Variants in FSTL5 observed in about 807,000 individuals in gnomAD.
FSTL5 encodes the protein follistatin-related protein 5.
FSTL5 carries 62 observed loss-of-function variants against 89.1 expected under a neutral mutation model. The ratio of observed to expected loss-of-function variants is 0.70; its 90% CI spans 0.57 to 0.86. The LOEUF is 0.86. Ranked by LOEUF, FSTL5 falls within the 40% of genes least tolerant of loss-of-function variation. The probability of loss-of-function intolerance (pLI) is 0.00; values close to 1 mark genes in which losing one functional copy is unlikely to be tolerated. For missense variants in FSTL5, 1,057 were observed against 1,001.6 expected, an observed-to-expected ratio of 1.06 and a Z score of -0.75; for synonymous variants, 383 against 346.2, an observed-to-expected ratio of 1.11 and a Z score of -1.18.
chr4:161,434,225 T>C (rs1732479210), intron 15 of FSTL5, among the ~76,000 whole-genome samples: 1 of 151,980 alleles, frequency 6.6e-6, no homozygotes, highest in Non-Finnish European at 1.5e-5. Context: ...TGGAACAGAA[T>C]AGAGGATCCA....
At chr4:162,010,381 A>T (rs1411121114) in intron 3 of FSTL5, among the ~76,000 whole-genome samples, 1 of 152,192 alleles carries the variant, frequency 6.6e-6, no homozygotes, top group African/African-American at 2.4e-5. Context: ...GAAGTTAAAT[A>T]TTAATAGGAT....
intron 3 of FSTL5, among the ~76,000 whole-genome samples, chr4:161,999,209 A>T (rs909837000): frequency 6.6e-6 from 1 of 152,188 alleles, no homozygotes; most frequent in Non-Finnish European, 1.5e-5. Context: ...ATTTAATGGA[A>T]ATATTATATG....
intron 3 of FSTL5, among the ~76,000 whole-genome samples, chr4:161,973,329 T>C (rs1309062939): frequency 6.6e-6 from 1 of 152,218 alleles, no homozygotes; most frequent in African/African-American, 2.4e-5. Flanking sequence ...AGCTCCATTC[T>C]GTTAAATATT....
At chr4:161,819,307 T>G (rs928983671) in intron 4 of FSTL5, among the ~76,000 whole-genome samples, 3 of 151,932 alleles carry the variant, frequency 2.0e-5, no homozygotes, top group African/African-American at 7.3e-5. Flanking sequence ...TAAGCAATAG[T>G]TTTTTTTGTA....
chr4:161,498,160 C>T (rs968212559), intron 12 of FSTL5, among the ~76,000 whole-genome samples: 1 of 151,538 alleles, frequency 6.6e-6, no homozygotes, highest in African/African-American at 2.4e-5. Flanking sequence ...TATGTGTATA[C>T]ATAGAGAAAT....
At chr4:162,044,355 T>C (rs1164448175) in intron 2 of FSTL5, among the ~76,000 whole-genome samples, 2 of 152,152 alleles carry the variant, frequency 1.3e-5, no homozygotes, top group East Asian at 3.9e-4. Context: ...AAAAGGAATC[T>C]TTTTTCTGAG....
intron 3 of FSTL5, among the ~76,000 whole-genome samples, chr4:162,024,654 A>G (rs1265718762): frequency 6.6e-6 from 1 of 151,758 alleles, no homozygotes; most frequent in East Asian, 1.9e-4. Context: ...AAATTCCTTT[A>G]TTTATTTATT....
intron 13 of FSTL5, among the ~76,000 whole-genome samples, chr4:161,459,983 T>G (rs1425695576): frequency 6.6e-6 from 1 of 151,366 alleles, no homozygotes; most frequent in Non-Finnish European, 1.5e-5. Context: ...TAGCATTTAC[T>G]TAAAACAAAA....
At chr4:162,025,211 T>A (rs1259555163) in intron 3 of FSTL5, among the ~76,000 whole-genome samples, 1 of 152,024 alleles carries the variant, frequency 6.6e-6, no homozygotes, top group South Asian at 2.1e-4. Context: ...GTTTGGAAAA[T>A]ATGTGAATTG....
intron 6 of FSTL5, among the ~76,000 whole-genome samples, chr4:161,686,810 T>C (rs1358180148): frequency 1.3e-5 from 2 of 152,208 alleles, no homozygotes; most frequent in African/African-American, 4.8e-5. Flanking sequence ...GGCACACTTT[T>C]AAATAAAATT....
At chr4:161,503,582 T>A (rs1181043094) in intron 11 of FSTL5, among the ~76,000 whole-genome samples, 3 of 152,004 alleles carry the variant, frequency 2.0e-5, no homozygotes, top group Admixed American at 6.6e-5. Context: ...ATTATAACAT[T>A]TGCCTTGCTA....
chr4:162,029,146 GGA>G (rs5863512), intron 3 of FSTL5, among the ~76,000 whole-genome samples: 35,695 of 138,980 alleles, frequency 0.26, 4,583 homozygotes, highest in Non-Finnish European at 0.31. Flanking sequence ...TGTACATGAG[GGA>G]GAGAGAGAGA....
At chr4:161,411,634 A>T (rs1241193572) in intron 15 of FSTL5, among the ~76,000 whole-genome samples, 1 of 152,176 alleles carries the variant, frequency 6.6e-6, no homozygotes, top group Non-Finnish European at 1.5e-5. Flanking sequence ...AAGATCTAAC[A>T]TCCCTTCATG....
chr4:161,472,145 T>A (rs1331548742), intron 13 of FSTL5, among the ~76,000 whole-genome samples: 3 of 151,820 alleles, frequency 2.0e-5, no homozygotes, highest in East Asian at 1.9e-4. Context: ...CCCGGCTAAT[T>A]TTTTTGTATT....
chr4:161,950,197 T>C (rs548850851), intron 3 of FSTL5, among the ~76,000 whole-genome samples: 8 of 152,234 alleles, frequency 5.3e-5, no homozygotes, highest in African/African-American at 1.4e-4. Context: ...GGGATCTTAG[T>C]ACTAAGGTTA....
intron 13 of FSTL5, among the ~76,000 whole-genome samples, chr4:161,475,056 G>A (rs1240760734): frequency 7.2e-6 from 1 of 139,300 alleles, no homozygotes; most frequent in Non-Finnish European, 1.5e-5. Context: ...CTTGTAGTAT[G>A]CCGAACGTAT....
chr4:161,644,483 A>G (rs372114158), intron 7 of FSTL5, among the ~76,000 whole-genome samples: 22 of 151,662 alleles, frequency 1.5e-4, no homozygotes, highest in African/African-American at 4.8e-4. Context: ...CCGAGGCCGC[A>G]CCATTGCACT....
intron 4 of FSTL5, among the ~76,000 whole-genome samples, chr4:161,844,084 T>TA (rs765520393): frequency 6.6e-6 from 1 of 151,874 alleles, no homozygotes; most frequent in Admixed American, 6.6e-5. Context: ...GCAAGGAACT[T>TA]AAACAAATAT....
In FSTL5 at chr4:161,676,014, T is replaced by C. The variant is rs144469556; in HGVS notation, c.728-19520A>G. ...ATCACATCAGATAAGTGCAAGCTGG[T>C]TTCTGGTATAATTCTGAATTTGAAT... On this transcript the variant is annotated intron_variant, in intron 6 of 15. Coordinates refer to ENST00000306100, the MANE Select transcript of FSTL5 (RefSeq NM_020116.5). 6.0e-3 allele frequency among the ~76,000 whole-genome samples: 908 copies of C among 152,184 alleles called. 9 individuals are homozygous for C. The highest frequency in any genetic ancestry group is 0.046 in the South Asian group (220 of 4,826).
Sources: allele counts gnomAD v4.1 joint callset (sites outside exome capture counted in the v4.1 genomes callset), GRCh38; gene constraint gnomAD v4.1.1; transcripts MANE v1.5; gene names NCBI Gene and HGNC (gene_info 2026-07-23, HGNC 2026-07-21).